The following LGI4 variants were observed in gnomAD, a reference collection of about 807,000 sequenced individuals.
The protein encoded by LGI4 is leucine-rich repeat LGI family member 4.
Under a neutral mutation model 48.3 loss-of-function variants are expected in LGI4, and 36 were observed. That is an observed-to-expected ratio of 0.75 (90% CI 0.57 to 0.98). LGI4 has a LOEUF of 0.98. LGI4 is among the 50% of genes least tolerant of loss of function. The probability of loss-of-function intolerance (pLI) is 0.00; values close to 1 mark genes in which losing one functional copy is unlikely to be tolerated. For missense variants in LGI4, 701 were observed against 732.1 expected (o/e 0.96, Z 0.49); for synonymous variants, 355 against 331.6 (o/e 1.07, Z -0.77).
intron 6 of LGI4, 70 bp downstream of exon 6, chr19:35,131,316 C>G (rs748857085): frequency 6.5e-7 from 1 of 1,530,622 alleles, no homozygotes; most frequent in Admixed American, 2.0e-5. Context: ...GGGAGTGAGA[C>G]GAGCCTCTTG....
intron 8 of LGI4, chr19:35,126,055 G>A (rs1029488829): frequency 3.3e-6 from 2 of 608,906 alleles, no homozygotes; most frequent in Non-Finnish European, 5.9e-6. Flanking sequence ...GCATTTGGGG[G>A]TAGAATCAGG....
At position 35,133,878 on chromosome 19, in the gene LGI4, G is replaced by A. The variant is rs1479687465; in HGVS notation, c.243-114C>T. 3.0e-6 allele frequency: 4 copies of A among 1,322,790 alleles called. No individual in the cohort carries two copies. In the East Asian group the frequency reaches 7.6e-5, roughly 25 times the overall value. The allele number at this position is 1,322,790 out of a possible 1,614,324, so 81.9% of individuals were successfully genotyped here. A position where few individuals can be genotyped will look rare whatever the true frequency, so the allele number is the denominator to read the frequency against. On this transcript the variant is annotated intron_variant, in intron 2 of 8. Transcript: ENST00000310123. ...CATGGGCACGCAGGTGTGAGTATGT[G>A]CATGGACACAAATGCTTTTGTACAG...
At position 35,125,494 on chromosome 19, in the gene LGI4, T is replaced by C; in HGVS notation, c.1313A>G (p.Asp438Gly). Residue 438 changes from aspartate to glycine, a missense_variant, in exon 9 of 9, where the codon GAC becomes GGC. Around this residue, in one of 3 missense-constraint regions of LGI4, gnomAD observed 223 missense variants for 263.3 expected, o/e 0.85. Coordinates refer to ENST00000310123, the MANE Select transcript of LGI4 (RefSeq NM_139284.3). ...CTGCAGCAGACGAAACATGGAGCCG[T>C]CCCAGCGCATGACCTGTGGGGGTGT... ...YIGDSMVMRW[D>G]GSMFRLLQQL... 6.4e-7 allele frequency: 1 copy of C among 1,561,568 alleles called. No individual in the cohort carries two copies. Among genetic ancestry groups the C allele is most frequent in the Non-Finnish European group, 8.7e-7 (1 of 1,151,182 alleles).
At chr19:35,133,989 A>G (rs1274950959) in intron 2 of LGI4, 44 bp downstream of exon 2, 1 of 1,535,530 alleles carries the variant, frequency 6.5e-7, no homozygotes, top group South Asian at 1.2e-5. Context: ...GCATAAACGC[A>G]CACTCCCTTG....
chr19:35,126,630 C>T lies in LGI4; in HGVS notation c.939G>A (p.Arg313=). The T allele has an allele frequency of 6.5e-7, 1 of 1,540,360 alleles. No homozygotes were observed. The highest frequency in any genetic ancestry group is 8.7e-7 in the Non-Finnish European group (1 of 1,149,022). The change falls in exon 8 of 9, where the codon CGG becomes CGA. Residue 313 remains arginine (R), a synonymous_variant. Coordinates refer to ENST00000310123, the MANE Select transcript of LGI4 (RefSeq NM_139284.3). Reference sequence around the variant, plus strand: ...GCTCGGCGTCATTGGGCCGCAGCAGCCGCCGCGGGGCCAGGGTCTGCGTTG... The same window carrying T: ...GCTCGGCGTCATTGGGCCGCAGCAGTCGCCGCGGGGCCAGGGTCTGCGTTG... ...LAPTQTLAPR[R]LLRPNDAELL...
Position 35,126,308 on chromosome 19 carries a change from C to G in LGI4, c.1261G>C (p.Val421Leu), listed in dbSNP as rs893011810. Reference sequence around the variant, plus strand: ...ATGTAGCGTGTGAGGCACAGGAACACGTCCCCACCAGCCTGGAAGTGGCGT... The same window carrying G: ...ATGTAGCGTGTGAGGCACAGGAACAGGTCCCCACCAGCCTGGAAGTGGCGT... ...ATRHFQAGGD[V>L]FLCLTRYIGD... Residue 421 changes from valine (V) to leucine (L), a missense_variant, in exon 8 of 9, where the codon GTG (valine) becomes CTG (leucine). Val to Leu is a conservative substitution (Grantham distance 32). Transcript: ENST00000310123. The G allele has an allele frequency of 1.9e-6, 3 of 1,611,848 alleles. No individual in the cohort carries two copies. Among genetic ancestry groups the G allele is most frequent in the Admixed American group, 3.3e-5 (2 of 59,800 alleles).
chr19:35,131,168 C>T (rs1161784186), intron 6 of LGI4: 6 of 664,970 alleles, frequency 9.0e-6, no homozygotes, highest in South Asian at 5.1e-5. Context: ...ATGCCGAACA[C>T]GTGAAGATGT....
chr19:35,129,117 C>A (rs115603684), intron 6 of LGI4, among the ~76,000 whole-genome samples: 1 of 152,142 alleles, frequency 6.6e-6, no homozygotes, highest in East Asian at 1.9e-4. Context: ...CGTAAGGCCA[C>A]GGCTCAGGTC....
At chr19:35,131,179 A>G (rs2065171585) in intron 6 of LGI4, 1 of 681,848 alleles carries the variant, frequency 1.5e-6, no homozygotes, top group Non-Finnish European at 2.6e-6. Flanking sequence ...GTGAAGATGT[A>G]TCATTGAATT....
In LGI4 at chr19:35,126,774, C is replaced by A. The variant is rs376948182; in HGVS notation, c.795G>T (p.Ala265=). The part of the protein sequence containing the change: ...QRFRPEEELP[A]ASVVSCKPLV... ...GTGGCTTGCAGGACACCACGGAGGC[C>A]GCTGTGGGGAGGTGGGGAGGCAGGT... Residue 265 remains alanine, a splice_region_variant and synonymous_variant, in exon 8 of 9, where the codon GCG becomes GCT. Coordinates refer to ENST00000310123, the MANE Select transcript of LGI4 (RefSeq NM_139284.3). 1 of 1,553,862 alleles carries A rather than the reference C, an allele frequency of 6.4e-7. No individual in the cohort carries two copies. Among genetic ancestry groups the A allele is most frequent in the Non-Finnish European group, 8.7e-7 (1 of 1,155,318 alleles).
At chr19:35,132,671 T>C (rs879381088) in intron 3 of LGI4, among the ~76,000 whole-genome samples, 3 of 151,974 alleles carry the variant, frequency 2.0e-5, no homozygotes, top group Non-Finnish European at 2.9e-5. Flanking sequence ...CCATCACCAA[T>C]ATCATCATTA....
chr19:35,131,605 G>T (rs1462369705), intron 5 of LGI4, 50 bp from the exon 6 acceptor site: 3 of 1,531,876 alleles, frequency 2.0e-6, no homozygotes, highest in South Asian at 1.2e-5. Flanking sequence ...CACGCCCTGG[G>T]GGCCATGCTC....
In LGI4 at chr19:35,126,381, G is replaced by A; in HGVS notation, c.1188C>T (p.Arg396=). The change falls in exon 8 of 9, where the codon CGC becomes CGT. Residue 396 remains arginine, a synonymous_variant. Coordinates refer to ENST00000310123, the MANE Select transcript of LGI4 (RefSeq NM_139284.3). ...CGGGGATGTCTGTGCGTCTCTCGAAGCGGCCACCGGTCCAGTGGAAGAGCA... is the reference window on the plus strand; with the variant it reads ...CGGGGATGTCTGTGCGTCTCTCGAAACGGCCACCGGTCCAGTGGAAGAGCA... ...RPVLFHWTGG[R]FERRTDIPEA... is the part of the protein sequence containing the mutation. 1 of 1,610,988 alleles carries A rather than the reference G, an allele frequency of 6.2e-7. No homozygotes were observed. Among genetic ancestry groups the A allele is most frequent in the Non-Finnish European group, 8.5e-7 (1 of 1,179,496 alleles).
rs2065190146 is a variant in LGI4, at chr19:35,133,676, C to A, written c.314+17G>T. 2 of 1,588,044 alleles carry A rather than the reference C, an allele frequency of 1.3e-6. No homozygotes were observed. Among genetic ancestry groups the A allele is most frequent in the Admixed American group, 1.8e-5 (1 of 56,306 alleles). On this transcript the variant is annotated intron_variant, in intron 3 of 8. Transcript: ENST00000310123. ...CTTGCCCAGACCCACCTGCCTCCAT[C>A]CCCTGGCCTCACTCACAGGTACTGC...
At chr19:35,126,246 C>T (rs1364485411) in intron 8 of LGI4, 24 bp downstream of exon 8, 14 of 1,605,972 alleles carry the variant, frequency 8.7e-6, no homozygotes, top group Non-Finnish European at 1.2e-5. Context: ...AAAGCCAGCC[C>T]CCCGCCCCCA....
intron 2 of LGI4, 89 bp from the exon 3 acceptor site, chr19:35,133,853 C>T: frequency 7.1e-7 from 1 of 1,410,070 alleles, no homozygotes; most frequent in Non-Finnish European, 9.8e-7. Context: ...CCTAGGTGGG[C>T]ATGGGCACGC....
chr19:35,126,620 G>T lies in LGI4; in HGVS notation c.949C>A (p.Pro317Thr). Residue 317 changes from proline (P) to threonine (T), a missense_variant, in exon 8 of 9, where the codon CCC (proline) becomes ACC (threonine). Around this residue, in one of 3 missense-constraint regions of LGI4, gnomAD observed 462 missense variants for 436.4 expected, o/e 1.06. Coordinates refer to ENST00000310123, the MANE Select transcript of LGI4 (RefSeq NM_139284.3). Reference sequence around the variant, plus strand: ...AGCCACAGGAGCTCGGCGTCATTGGGCCGCAGCAGCCGCCGCGGGGCCAGG... The same window carrying T: ...AGCCACAGGAGCTCGGCGTCATTGGTCCGCAGCAGCCGCCGCGGGGCCAGG... ...QTLAPRRLLR[P>T]NDAELLWLEG... The T allele has an allele frequency of 6.5e-7, 1 of 1,540,796 alleles. No homozygotes were observed. The highest frequency in any genetic ancestry group is 2.4e-5 in the East Asian group (1 of 41,750).
intron 5 of LGI4, 24 bp from the exon 6 acceptor site, chr19:35,131,579 G>T: frequency 1.3e-6 from 2 of 1,544,410 alleles, no homozygotes; most frequent in Non-Finnish European, 1.7e-6. Flanking sequence ...CCAGGGAGGG[G>T]CTGCGACCCG....
Position 35,130,636 on chromosome 19 carries a change from G to C in LGI4, c.628+750C>G, listed in dbSNP as rs907288629. Among the ~76,000 whole-genome samples, 25 of 152,228 alleles carry C rather than the reference G, an allele frequency of 1.6e-4. 1 individual carries two copies. Among genetic ancestry groups the C allele is most frequent in the Admixed American group, 1.6e-3 (25 of 15,278 alleles). The stretch of plus-strand genomic sequence containing the variant: ...CTCTTGAGCACAGGAGTTTGAGGCT[G>C]CAGTGAGCTATGATGGCGCCATTGC... On this transcript the variant is annotated intron_variant, in intron 6 of 8. Transcript: ENST00000310123.
Sources: allele counts gnomAD v4.1 joint callset (sites outside exome capture counted in the v4.1 genomes callset), GRCh38; gene constraint gnomAD v4.1.1; regional missense constraint gnomAD v4.1.1; transcripts MANE v1.5; gene names NCBI Gene and HGNC (gene_info 2026-07-23, HGNC 2026-07-21).